The following MRTFA variants were observed in gnomAD, a reference collection of about 807,000 sequenced individuals.
The protein encoded by MRTFA is myocardin related transcription factor A, also known as myocardin-related transcription factor A.
MRTFA carries 20 observed loss-of-function variants against 83.5 expected under a neutral mutation model. The ratio of observed to expected loss-of-function variants is 0.24; its 90% CI spans 0.17 to 0.35. The LOEUF (loss-of-function observed/expected upper bound fraction) is 0.35. MRTFA is among the 10% of genes least tolerant of loss of function. The probability of loss-of-function intolerance (pLI) is 1.00; values close to 1 mark genes in which losing one functional copy is unlikely to be tolerated. For missense variants in MRTFA, 1,200 were observed against 1,224.7 expected (o/e 0.98, Z 0.30); for synonymous variants, 659 against 541.2 (o/e 1.22, Z -3.02).
intron 4 of MRTFA, among the ~76,000 whole-genome samples, chr22:40,457,489 G>GAAA (rs1569276004): frequency 3.3e-3 from 215 of 65,764 alleles, no homozygotes; most frequent in South Asian, 0.014. Context: ...AAAGAAAGAA[G>GAAA]GAAAGAAAGA....
intron 7 of MRTFA, chr22:40,429,336 G>A (rs1007628194): frequency 9.7e-6 from 6 of 616,420 alleles, no homozygotes; most frequent in Non-Finnish European, 1.4e-5. Context: ...GAAGCAACCC[G>A]AGTTTACAAA....
At position 40,442,184 on chromosome 22, in the gene MRTFA, T is replaced by C. The variant is rs368133211; in HGVS notation, c.308-6630A>G. Among the ~76,000 whole-genome samples the C allele has an allele frequency of 1.3e-4, 20 of 152,352 alleles. No homozygotes were observed. The East Asian group carries it at 3.7e-3, about 28-fold the overall frequency. On this transcript the variant is annotated intron_variant, in intron 4 of 14. Transcript: ENST00000355630. ...AAACCTCATTTCCTCATCACTATCA[T>C]GAAGGAATATGTATTAAGTGTCTAG... is the stretch of plus-strand genomic sequence containing the variant.
At chr22:40,476,498 C>G (rs977617089) in intron 3 of MRTFA, among the ~76,000 whole-genome samples, 1 of 152,106 alleles carries the variant, frequency 6.6e-6, no homozygotes, top group African/African-American at 2.4e-5. Context: ...TGCTCTGTCA[C>G]CCAGGCTGGA....
intron 4 of MRTFA, among the ~76,000 whole-genome samples, chr22:40,440,648 C>T (rs530729904): frequency 1.3e-5 from 2 of 152,306 alleles, no homozygotes; most frequent in South Asian, 4.1e-4. Flanking sequence ...GCTCTTGGTG[C>T]ACTGGGGTTT....
At chr22:40,455,578 G>A (rs1354528843) in intron 4 of MRTFA, among the ~76,000 whole-genome samples, 1 of 151,318 alleles carries the variant, frequency 6.6e-6, no homozygotes, top group Non-Finnish European at 1.5e-5. Flanking sequence ...CCCGGGAGGC[G>A]GAGCTTGCAG....
At chr22:40,437,862 G>C (rs1022816692) in intron 4 of MRTFA, among the ~76,000 whole-genome samples, 4 of 152,116 alleles carry the variant, frequency 2.6e-5, no homozygotes, top group African/African-American at 9.6e-5. Flanking sequence ...GCACAGCAAG[G>C]GTTTTGTCTA....
chr22:40,617,506 C>G (rs1338943174), intron 1 of MRTFA, among the ~76,000 whole-genome samples: 2 of 151,698 alleles, frequency 1.3e-5, no homozygotes, highest in Non-Finnish European at 2.9e-5. Flanking sequence ...GCCGGTGGAT[C>G]ACAAGGTCAG....
chr22:40,585,498 A>T (rs74950835), intron 2 of MRTFA, among the ~76,000 whole-genome samples: 54 of 152,284 alleles, frequency 3.5e-4, no homozygotes, highest in African/African-American at 1.2e-3. Flanking sequence ...TGGTGATGAC[A>T]GTTGCATAAC....
chr22:40,621,892 A>G (rs937038801), intron 1 of MRTFA, among the ~76,000 whole-genome samples: 3 of 152,184 alleles, frequency 2.0e-5, no homozygotes, highest in African/African-American at 7.2e-5. Context: ...TACACTATAC[A>G]TGTCTGACCA....
chr22:40,630,743 A>T (rs2056633240), intron 1 of MRTFA, among the ~76,000 whole-genome samples: 2 of 152,170 alleles, frequency 1.3e-5, no homozygotes, highest in Admixed American at 6.5e-5. Flanking sequence ...TCATCTGTTA[A>T]CCAGGCTGGA....
At chr22:40,443,584 T>C (rs1170156878) in intron 4 of MRTFA, among the ~76,000 whole-genome samples, 1 of 151,852 alleles carries the variant, frequency 6.6e-6, no homozygotes, top group Admixed American at 6.6e-5. Flanking sequence ...ATATGTTCTC[T>C]CTAGCCAAAG....
At chr22:40,628,280 C>T (rs1286364515) in intron 1 of MRTFA, among the ~76,000 whole-genome samples, 1 of 152,090 alleles carries the variant, frequency 6.6e-6, no homozygotes, top group African/African-American at 2.4e-5. Context: ...CTGTCAGTAC[C>T]CAGATCTGCT....
intron 3 of MRTFA, among the ~76,000 whole-genome samples, chr22:40,507,152 G>GA (rs2054593140): frequency 6.6e-6 from 1 of 152,100 alleles, no homozygotes; most frequent in Non-Finnish European, 1.5e-5. Context: ...TTCAGTGCAG[G>GA]AATTTGAGAC....
chr22:40,474,949 C>T (rs527576021), intron 3 of MRTFA, among the ~76,000 whole-genome samples: 18 of 152,186 alleles, frequency 1.2e-4, no homozygotes, highest in African/African-American at 3.9e-4. Flanking sequence ...AGCTATTCTC[C>T]TGCCTCAGCC....
chr22:40,548,631 C>T (rs537871384), intron 3 of MRTFA, among the ~76,000 whole-genome samples: 27 of 152,112 alleles, frequency 1.8e-4, no homozygotes, highest in African/African-American at 6.5e-4. Flanking sequence ...GAGGCCAAGG[C>T]GGGCGGATCA....
chr22:40,560,508 C>A (rs1052157041), intron 2 of MRTFA, among the ~76,000 whole-genome samples: 7 of 152,122 alleles, frequency 4.6e-5, no homozygotes, highest in African/African-American at 7.2e-5. Context: ...GAGACAAGAC[C>A]CAAAAATGTT....
At chr22:40,570,845 G>A (rs936026041) in intron 2 of MRTFA, among the ~76,000 whole-genome samples, 1 of 151,340 alleles carries the variant, frequency 6.6e-6, no homozygotes, top group Non-Finnish European at 1.5e-5. Context: ...CATTTTTAAA[G>A]CCAGTGTTAT....
chr22:40,603,593 C>T (rs977827300), intron 1 of MRTFA, among the ~76,000 whole-genome samples: 13 of 152,028 alleles, frequency 8.6e-5, no homozygotes, highest in African/African-American at 3.1e-4. Flanking sequence ...AGGAGACAAA[C>T]GGAATTTTTG....
intron 3 of MRTFA, among the ~76,000 whole-genome samples, chr22:40,510,324 T>C (rs2054647897): frequency 6.6e-6 from 1 of 151,898 alleles, no homozygotes; most frequent in African/African-American, 2.4e-5. Context: ...GGAAAGTACA[T>C]TTAAGCAACT....
Sources: allele counts gnomAD v4.1 joint callset (sites outside exome capture counted in the v4.1 genomes callset), GRCh38; gene constraint gnomAD v4.1.1; transcripts MANE v1.5; gene names NCBI Gene and HGNC (gene_info 2026-07-23, HGNC 2026-07-21).